ZNF469: variants seen among roughly 807,000 people sequenced by gnomAD.
ZNF469 encodes the protein zinc finger protein 469.
ZNF469 carries 1 observed loss-of-function variant against 1.0 expected under a neutral mutation model. The ratio of observed to expected loss-of-function variants is 1.00; its 90% CI spans 0.35 to 4.73. ZNF469 has a LOEUF of 4.73. Ranked by LOEUF, ZNF469 falls within the 30% of genes most tolerant of loss-of-function variation. The pLI, the probability that ZNF469 is intolerant of heterozygous loss-of-function variation, is 0.16. For synonymous variants in ZNF469, 2,703 were observed against 2,363.4 expected, an observed-to-expected ratio of 1.14 and a Z score of -4.17; for missense variants, 6,100 against 5,356.3, an observed-to-expected ratio of 1.14 and a Z score of -4.33.
chr16:88,226,911 C>G, the ZNF469 span, among the ~76,000 whole-genome samples: 1 of 152,190 alleles, frequency 6.6e-6, no homozygotes, highest in Admixed American at 6.5e-5. Flanking sequence ...ATTCCAGCCC[C>G]CTGTGTTCCA....
At chr16:88,247,815 G>T in the ZNF469 span, among the ~76,000 whole-genome samples, 58 of 149,086 alleles carry the variant, frequency 3.9e-4, no homozygotes, top group African/African-American at 1.5e-3. Flanking sequence ...GTGAGTGAGT[G>T]AGTGAATGAG....
the ZNF469 span, among the ~76,000 whole-genome samples, chr16:88,143,697 A>G: frequency 6.6e-6 from 1 of 152,242 alleles, no homozygotes; most frequent in East Asian, 1.9e-4. Context: ...GCTTGTCAGA[A>G]ACATCACACA....
At chr16:88,139,329 G>A in the ZNF469 span, among the ~76,000 whole-genome samples, 1 of 152,066 alleles carries the variant, frequency 6.6e-6, no homozygotes, top group South Asian at 2.1e-4. Flanking sequence ...AAACCTTTTT[G>A]CCCCCTGGCC....
chr16:88,350,602 T>A, the ZNF469 span, among the ~76,000 whole-genome samples: 6 of 152,162 alleles, frequency 3.9e-5, no homozygotes, highest in Non-Finnish European at 8.8e-5. Flanking sequence ...GTGGGCGGAA[T>A]AAGATCATGA....
the ZNF469 span, among the ~76,000 whole-genome samples, chr16:88,284,161 G>T: frequency 5.3e-5 from 8 of 151,920 alleles, no homozygotes; most frequent in Non-Finnish European, 1.0e-4. Context: ...GGTCTGCGGA[G>T]GCTGGTAGAC....
the ZNF469 span, among the ~76,000 whole-genome samples, chr16:88,281,603 G>A: frequency 6.9e-5 from 10 of 145,504 alleles, no homozygotes; most frequent in South Asian, 4.5e-4. Flanking sequence ...ATTTTGGTGC[G>A]TGGGTTAATG....
At chr16:88,120,024 A>T in the ZNF469 span, among the ~76,000 whole-genome samples, 860 of 152,172 alleles carry the variant, frequency 5.7e-3, 5 homozygotes, top group Middle Eastern at 0.017. Context: ...GGGATGGGGA[A>T]CCACACACAA....
chr16:88,198,720 G>A, the ZNF469 span, among the ~76,000 whole-genome samples: 1 of 152,224 alleles, frequency 6.6e-6, no homozygotes. Flanking sequence ...CCTTGGAGTT[G>A]TGAAACCTGG....
chr16:88,244,012 G>T, the ZNF469 span, among the ~76,000 whole-genome samples: 1 of 141,758 alleles, frequency 7.1e-6, no homozygotes, highest in African/African-American at 2.6e-5. Flanking sequence ...ATGGATGTAC[G>T]TATGGGTGAG....
At chr16:88,346,576 T>C in the ZNF469 span, among the ~76,000 whole-genome samples, 2 of 152,172 alleles carry the variant, frequency 1.3e-5, no homozygotes, top group African/African-American at 4.8e-5. Context: ...TGGAGTGCAG[T>C]GGCACGATGT....
the ZNF469 span, among the ~76,000 whole-genome samples, chr16:88,269,087 C>G: frequency 6.6e-6 from 1 of 152,210 alleles, no homozygotes; most frequent in African/African-American, 2.4e-5. Context: ...CTCTGCTCAG[C>G]CCTCCCCTTT....
the ZNF469 span, among the ~76,000 whole-genome samples, chr16:88,301,082 A>G: frequency 2.6e-5 from 4 of 152,076 alleles, no homozygotes; most frequent in Non-Finnish European, 5.9e-5. Flanking sequence ...GAAAGAAAAG[A>G]AAAGAACTAA....
chr16:88,339,844 G>A, the ZNF469 span, among the ~76,000 whole-genome samples: 9 of 145,872 alleles, frequency 6.2e-5, no homozygotes, highest in Non-Finnish European at 1.1e-4. Flanking sequence ...AGGGGGATGG[G>A]GAACATGGTG....
At chr16:88,118,547 CAGA>C in the ZNF469 span, among the ~76,000 whole-genome samples, 3 of 152,188 alleles carry the variant, frequency 2.0e-5, no homozygotes, top group Admixed American at 1.3e-4. Context: ...TCCGCCTCTG[CAGA>C]AGGAGGGTGA....
the ZNF469 span, among the ~76,000 whole-genome samples, chr16:88,103,935 G>A: frequency 2.6e-4 from 40 of 151,914 alleles, no homozygotes; most frequent in Admixed American, 2.3e-3. Context: ...ATAATCCTCC[G>A]TGGCACGAGG....
intron 1 of ZNF469, among the ~76,000 whole-genome samples, chr16:88,388,559 G>A (rs1001682055): frequency 6.6e-6 from 1 of 152,258 alleles, no homozygotes; most frequent in African/African-American, 2.4e-5. Context: ...CTGCCCACTG[G>A]GAGGCTACAG....
rs967954720 is a variant in ZNF469 at position 88,433,496 on chromosome 16, C to A, written c.6026C>A (p.Pro2009Gln). The change falls in exon 3 of 3, where the codon CCA becomes CAA. Residue 2009 changes from proline to glutamine, a missense_variant. By Grantham distance (76) the Pro-to-Gln change is moderately conservative (BLOSUM62 -1). Coordinates refer to ENST00000565624, the MANE Select transcript of ZNF469 (RefSeq NM_001367624.2). ...CTTCAGCCAGAGAACGGGGTGAGCC[C>A]AGGGGGCACGGACAACCACGCCTCA... ...NQLQPENGVS[P>Q]GGTDNHASVN... 6.5e-7 allele frequency: 1 copy of A among 1,550,226 alleles called. No individual in the cohort carries two copies. Among genetic ancestry groups the A allele is most frequent in the Non-Finnish European group, 8.7e-7 (1 of 1,146,934 alleles).
At chr16:88,112,878 C>T in the ZNF469 span, among the ~76,000 whole-genome samples, 4 of 140,692 alleles carry the variant, frequency 2.8e-5, no homozygotes, top group South Asian at 2.4e-4. Context: ...CCCGGGTTTG[C>T]GCTATTCTCC....
chr16:88,320,806 A>G, the ZNF469 span, among the ~76,000 whole-genome samples: 1 of 152,086 alleles, frequency 6.6e-6, no homozygotes, highest in African/African-American at 2.4e-5. Context: ...AAAACAACAA[A>G]ACAACCCCCA....
Sources: gnomAD v4.1 joint callset for allele counts (sites outside exome capture counted in the v4.1 genomes callset) on GRCh38, gnomAD v4.1.1 for gene constraint, MANE v1.5 for transcripts, NCBI Gene and HGNC (gene_info 2026-07-23, HGNC 2026-07-21) for gene names.